Variants in COL26A1 observed in about 807,000 individuals in gnomAD.
COL26A1 encodes collagen alpha-1(XXVI) chain.
Under a neutral mutation model 59.3 loss-of-function variants are expected in COL26A1, and 41 were observed. That is an observed-to-expected ratio of 0.69 (90% CI 0.54 to 0.90). The LOEUF (loss-of-function observed/expected upper bound fraction) is 0.90, where lower values mean the gene tolerates loss of function less well. COL26A1 is among the 40% of genes least tolerant of loss of function. The probability of loss-of-function intolerance (pLI) is 0.00; values close to 1 mark genes in which losing one functional copy is unlikely to be tolerated. For synonymous variants in COL26A1, 266 were observed against 256.0 expected (o/e 1.04, Z -0.37); for missense variants, 612 against 602.3 (o/e 1.02, Z -0.17).
Position 101,440,236 on chromosome 7 carries a change from T to G in COL26A1, c.282-7448T>G, listed in dbSNP as rs1010722424. Reference sequence around the variant, plus strand: ...CAAAAATTAGCCAGGTGTGGTGGTGTGCGCCTGTAATCCCAGCTACTCAGG... The same window carrying G: ...CAAAAATTAGCCAGGTGTGGTGGTGGGCGCCTGTAATCCCAGCTACTCAGG... On this transcript the variant is annotated intron_variant, in intron 2 of 12. Coordinates refer to ENST00000313669, the MANE Select transcript of COL26A1 (RefSeq NM_001278563.3). 9.2e-5 allele frequency among the ~76,000 whole-genome samples: 14 copies of G among 151,876 alleles called. No individual in the cohort carries two copies. In the East Asian group the frequency reaches 2.3e-3, roughly 25 times the overall value.
intron 3 of COL26A1, among the ~76,000 whole-genome samples, chr7:101,452,556 A>G (rs368449861): frequency 2.6e-5 from 4 of 152,150 alleles, no homozygotes; most frequent in African/African-American, 7.2e-5. Context: ...CTTTATGGGA[A>G]CACCAAAGGA....
intron 3 of COL26A1, among the ~76,000 whole-genome samples, chr7:101,525,582 C>T (rs1437852996): frequency 5.4e-5 from 8 of 148,254 alleles, no homozygotes; most frequent in Non-Finnish European, 1.2e-4. Flanking sequence ...CTGCAAGCTC[C>T]GCCTCCCGGG....
chr7:101,423,616 T>G (rs1175661627), intron 2 of COL26A1, among the ~76,000 whole-genome samples: 4 of 151,832 alleles, frequency 2.6e-5, no homozygotes, highest in African/African-American at 9.7e-5. Flanking sequence ...ATGCCTGTAA[T>G]CCCAGCTACT....
At chr7:101,463,423 G>A (rs1793660231) in intron 3 of COL26A1, among the ~76,000 whole-genome samples, 1 of 152,052 alleles carries the variant, frequency 6.6e-6, no homozygotes, top group Non-Finnish European at 1.5e-5. Context: ...ATTGATTTGG[G>A]TTGCTTTTAC....
At chr7:101,427,108 G>A (rs1207561575) in intron 2 of COL26A1, among the ~76,000 whole-genome samples, 2 of 152,124 alleles carry the variant, frequency 1.3e-5, no homozygotes, top group Admixed American at 1.3e-4. Context: ...GCTCAGACTG[G>A]AGTGCAGTGG....
At chr7:101,433,510 C>A (rs1234550778) in intron 2 of COL26A1, among the ~76,000 whole-genome samples, 1 of 152,124 alleles carries the variant, frequency 6.6e-6, no homozygotes, top group African/African-American at 2.4e-5. Flanking sequence ...AGAGAATGCA[C>A]TGTCCCAGAT....
chr7:101,489,599 CT>C (rs1491262607), intron 3 of COL26A1, among the ~76,000 whole-genome samples: 1 of 145,150 alleles, frequency 6.9e-6, no homozygotes, highest in Non-Finnish European at 1.5e-5. Flanking sequence ...TATTTTCTTT[CT>C]TTTTCTTTCT....
intron 3 of COL26A1, among the ~76,000 whole-genome samples, chr7:101,514,146 G>T (rs1421548353): frequency 6.6e-6 from 1 of 151,960 alleles, no homozygotes; most frequent in African/African-American, 2.4e-5. Context: ...GACCAGCCTG[G>T]CCAATATGGT....
At chr7:101,519,796 C>T (rs1485267828) in intron 3 of COL26A1, among the ~76,000 whole-genome samples, 1 of 152,188 alleles carries the variant, frequency 6.6e-6, no homozygotes, top group East Asian at 1.9e-4. Context: ...TCTGGGCGTC[C>T]AGTGTTCCCT....
rs1032410804 is a variant in COL26A1, at chr7:101,388,199, G to A, written c.158+25009G>A. Among the ~76,000 whole-genome samples the A allele has an allele frequency of 5.9e-5, 9 of 151,878 alleles. No individual in the cohort carries two copies. In the East Asian group the frequency reaches 1.8e-3, roughly 30 times the overall value. ...GCAAAACTGAAACTCTGGGCCGGGC[G>A]CCGTGGCTCACGCCTGTAATCCCAG... On this transcript the variant is annotated intron_variant, in intron 1 of 12. Transcript: ENST00000313669.
At chr7:101,380,601 T>C (rs1024326253) in intron 1 of COL26A1, among the ~76,000 whole-genome samples, 2 of 152,160 alleles carry the variant, frequency 1.3e-5, no homozygotes, top group African/African-American at 4.8e-5. Context: ...CTCTATGGAC[T>C]TGCCCCAAAT....
intron 6 of COL26A1, 151 bp from the exon 7 acceptor site, chr7:101,545,187 C>G (rs1053744954): frequency 2.5e-5 from 16 of 647,242 alleles, no homozygotes; most frequent in Non-Finnish European, 3.8e-5. Context: ...AGGACACCCC[C>G]AAGGAAGACT....
chr7:101,519,263 C>T (rs77984018), intron 3 of COL26A1, among the ~76,000 whole-genome samples: 3,773 of 152,268 alleles, frequency 0.025, 49 homozygotes, highest in Middle Eastern at 0.078. Flanking sequence ...CTCACTGACT[C>T]CTGAGGTTTC....
chr7:101,431,791 A>C (rs1356341632), intron 2 of COL26A1, among the ~76,000 whole-genome samples: 1 of 151,176 alleles, frequency 6.6e-6, no homozygotes, highest in Non-Finnish European at 1.5e-5. Flanking sequence ...ACCTGGTGAT[A>C]ATTTTGTGTT....
At chr7:101,509,659 G>A (rs559931453) in intron 3 of COL26A1, among the ~76,000 whole-genome samples, 5 of 152,234 alleles carry the variant, frequency 3.3e-5, no homozygotes, top group Middle Eastern at 3.4e-3. Flanking sequence ...GTCTAGGCCC[G>A]GCCAACACGG....
chr7:101,454,268 C>CTTTTTTTTT (rs58969139), intron 3 of COL26A1, among the ~76,000 whole-genome samples: 14 of 137,344 alleles, frequency 1.0e-4, no homozygotes, highest in Non-Finnish European at 1.4e-4. Flanking sequence ...TCTTTTCTTT[C>CTTTTTTTTT]TTTTTTTTTT....
chr7:101,543,276 C>T (rs1047067941), intron 5 of COL26A1, among the ~76,000 whole-genome samples: 12 of 151,964 alleles, frequency 7.9e-5, no homozygotes, highest in South Asian at 2.1e-4. Flanking sequence ...CTCAAGCCAT[C>T]CTCCCACCTC....
chr7:101,473,111 A>C, intron 3 of COL26A1, among the ~76,000 whole-genome samples: 1 of 146,404 alleles, frequency 6.8e-6, no homozygotes. Flanking sequence ...ACGGAGTCTC[A>C]CTCTGTCGCC....
intron 3 of COL26A1, among the ~76,000 whole-genome samples, chr7:101,516,184 G>T (rs1795025174): frequency 6.6e-6 from 1 of 152,214 alleles, no homozygotes; most frequent in South Asian, 2.1e-4. Flanking sequence ...TACGAAGAAA[G>T]GGCTGAGTGA....
Sources: gnomAD v4.1 joint callset for allele counts (sites outside exome capture counted in the v4.1 genomes callset) on GRCh38, gnomAD v4.1.1 for gene constraint, MANE v1.5 for transcripts, NCBI Gene and HGNC (gene_info 2026-07-23, HGNC 2026-07-21) for gene names.